The following NCALD variants were observed in gnomAD, a reference collection of about 807,000 sequenced individuals.
NCALD encodes the protein neurocalcin delta, also known as neurocalcin-delta.
A neutral mutation model predicts 18.6 loss-of-function variants in NCALD; 10 were observed. The ratio of observed to expected loss-of-function variants is 0.54; its 90% CI spans 0.33 to 0.91. The LOEUF (loss-of-function observed/expected upper bound fraction) is 0.91, where lower values mean the gene tolerates loss of function less well. NCALD is among the 40% of genes least tolerant of loss of function. The pLI is 0.03. For synonymous variants in NCALD, 88 were observed against 87.4 expected (o/e 1.01, Z -0.04); for missense variants, 184 against 247.6 (o/e 0.74, Z 1.72).
chr8:101,910,265 C>T (rs1190640643), intron 3 of NCALD, among the ~76,000 whole-genome samples: 1 of 147,784 alleles, frequency 6.8e-6, no homozygotes, highest in Non-Finnish European at 1.5e-5. Context: ...CTGGGCAGGG[C>T]AAATGGAAGG....
At chr8:101,881,337 T>G (rs1306211225) in intron 4 of NCALD, among the ~76,000 whole-genome samples, 1 of 152,212 alleles carries the variant, frequency 6.6e-6, no homozygotes, top group Non-Finnish European at 1.5e-5. Flanking sequence ...GAAATACCAT[T>G]TCTTAGCTTT....
chr8:101,843,288 G>T (rs1043981736), intron 4 of NCALD, among the ~76,000 whole-genome samples: 2 of 152,222 alleles, frequency 1.3e-5, no homozygotes, highest in African/African-American at 4.8e-5. Context: ...ATATCATGAG[G>T]ATTTGCTGTG....
At chr8:102,043,245 G>A (rs958427128) in intron 1 of NCALD, among the ~76,000 whole-genome samples, 3 of 151,976 alleles carry the variant, frequency 2.0e-5, no homozygotes, top group African/African-American at 7.3e-5. Flanking sequence ...TCCATTTGAG[G>A]ATGATAATTT....
At position 101,879,769 on chromosome 8, in the gene NCALD, A is replaced by G. The variant is rs369877299; in HGVS notation, c.-20+7372T>C. ...AGACACAAAAGTTTTCCAAGTCCCC[A>G]CTAGATTAGCTAGACACAGAGCACT... On this transcript the variant is annotated intron_variant, in intron 4 of 6. Coordinates refer to the NCALD transcript ENST00000311028. Among the ~76,000 whole-genome samples, 16 of 152,264 alleles carry G rather than the reference A, an allele frequency of 1.1e-4. No individual in the cohort carries two copies. The East Asian group carries it at 1.9e-3, about 18-fold the overall frequency.
intron 4 of NCALD, among the ~76,000 whole-genome samples, chr8:101,804,046 C>A (rs1351750123): frequency 6.6e-6 from 1 of 151,988 alleles, no homozygotes; most frequent in Non-Finnish European, 1.5e-5. Flanking sequence ...CCAGCCTGAT[C>A]AGTCAGCAGC....
chr8:101,940,679 C>T (rs1251360963), intron 2 of NCALD, among the ~76,000 whole-genome samples: 1 of 152,146 alleles, frequency 6.6e-6, no homozygotes, highest in Non-Finnish European at 1.5e-5. Context: ...AACCTAAACC[C>T]AGAAGGAGAC....
At chr8:101,735,687 C>T (rs761363487) in intron 1 of NCALD, among the ~76,000 whole-genome samples, 22 of 152,284 alleles carry the variant, frequency 1.4e-4, no homozygotes, top group Middle Eastern at 3.4e-3. Flanking sequence ...CTCTAGTAAT[C>T]CACATCACTG....
intron 2 of NCALD, among the ~76,000 whole-genome samples, chr8:101,987,395 G>A (rs189025957): frequency 6.6e-6 from 1 of 152,130 alleles, no homozygotes; most frequent in Admixed American, 6.5e-5. Flanking sequence ...ACTGAGAAAG[G>A]TGTGTCCATG....
At chr8:101,916,130 C>G (rs1006089182) in intron 2 of NCALD, among the ~76,000 whole-genome samples, 2 of 151,996 alleles carry the variant, frequency 1.3e-5, no homozygotes, top group African/African-American at 4.8e-5. Context: ...ATTTATATCT[C>G]CTTGGAAGAG....
rs576286368 is a variant in NCALD, at chr8:101,732,590, C to CTTTTTTT, written c.-19-12949_-19-12943dup. Among the ~76,000 whole-genome samples the CTTTTTTT allele has an allele frequency of 1.3e-3, 68 of 53,686 alleles. 5 individuals are homozygous for CTTTTTTT. Among genetic ancestry groups the CTTTTTTT allele is most frequent in the Admixed American group, 1.8e-3 (6 of 3,332 alleles). The allele number at this position is 53,686 out of a possible 152,430, so 35.2% of individuals were successfully genotyped here. A position where few individuals can be genotyped will look rare whatever the true frequency, so the allele number is the denominator to read the frequency against. ...AATTCAGAGTATTTCTTTTTCTTTGCTTTTTTTTTTTTTTTTTTTTTTTTT... is the reference window on the plus strand; with the variant it reads ...AATTCAGAGTATTTCTTTTTCTTTGCTTTTTTTTTTTTTTTTTTTTTTTTTTTTTTTT... On this transcript the variant is annotated intron_variant, in intron 1 of 3. Transcript: ENST00000220931.
chr8:101,756,005 T>C (rs1370850530), intron 1 of NCALD, among the ~76,000 whole-genome samples: 1 of 152,138 alleles, frequency 6.6e-6, no homozygotes, highest in East Asian at 1.9e-4. Context: ...GAACAATTCC[T>C]AAACACACAC....
At chr8:101,751,701 A>T (rs1250314556) in intron 1 of NCALD, among the ~76,000 whole-genome samples, 1 of 152,156 alleles carries the variant, frequency 6.6e-6, no homozygotes, top group Non-Finnish European at 1.5e-5. Flanking sequence ...GGAAACAATG[A>T]TCTTCACAAG....
chr8:101,824,203 T>C (rs528520440), intron 4 of NCALD, among the ~76,000 whole-genome samples: 12 of 152,216 alleles, frequency 7.9e-5, no homozygotes, highest in Non-Finnish European at 1.6e-4. Context: ...AATATGCTAT[T>C]ATTACTGGCA....
chr8:102,004,294 A>G (rs1307641239), intron 2 of NCALD, among the ~76,000 whole-genome samples: 1 of 152,246 alleles, frequency 6.6e-6, no homozygotes, highest in Non-Finnish European at 1.5e-5. Flanking sequence ...TTCAAAGAGA[A>G]TAAAATACTT....
intron 1 of NCALD, among the ~76,000 whole-genome samples, chr8:102,103,598 A>T (rs1201345117): frequency 1.3e-5 from 2 of 152,056 alleles, no homozygotes; most frequent in East Asian, 3.9e-4. Context: ...TATGCCACTC[A>T]GCCTGGAGGG....
intron 2 of NCALD, among the ~76,000 whole-genome samples, chr8:102,005,895 G>A (rs757048966): frequency 7.3e-6 from 1 of 137,550 alleles, no homozygotes; most frequent in Admixed American, 7.2e-5. Flanking sequence ...GGGGGGCAGG[G>A]GGGAGGGATA....
At chr8:102,096,380 T>G (rs1764363096) in intron 1 of NCALD, among the ~76,000 whole-genome samples, 1 of 152,092 alleles carries the variant, frequency 6.6e-6, no homozygotes, top group South Asian at 2.1e-4. Flanking sequence ...CCCACCAGGA[T>G]TGAGGCAGGA....
intron 2 of NCALD, among the ~76,000 whole-genome samples, chr8:101,943,580 A>T (rs1389033125): frequency 6.6e-6 from 1 of 152,136 alleles, no homozygotes; most frequent in Non-Finnish European, 1.5e-5. Context: ...CAGGGGAGAG[A>T]GCTGAAGAGG....
chr8:101,832,787 G>A (rs1242877585), intron 4 of NCALD, among the ~76,000 whole-genome samples: 3 of 152,144 alleles, frequency 2.0e-5, no homozygotes, highest in African/African-American at 7.2e-5. Flanking sequence ...TGGAGTGGAC[G>A]ACTGCCGTCT....
Sources: gnomAD v4.1 joint callset for allele counts (sites outside exome capture counted in the v4.1 genomes callset) on GRCh38, gnomAD v4.1.1 for gene constraint, MANE v1.5 for transcripts, NCBI Gene and HGNC (gene_info 2026-07-23, HGNC 2026-07-21) for gene names.